ARFGEF3: variants seen among roughly 807,000 people sequenced by gnomAD.
ARFGEF3 encodes brefeldin A-inhibited guanine nucleotide-exchange protein 3.
A neutral mutation model predicts 221.7 loss-of-function variants in ARFGEF3; 96 were observed. The observed-to-expected ratio is 0.43, with a 90% CI of 0.37 to 0.51. The LOEUF (loss-of-function observed/expected upper bound fraction) is 0.51. Ranked by LOEUF, ARFGEF3 falls within the 20% of genes least tolerant of loss-of-function variation. ARFGEF3 has a pLI of 0.00. For synonymous variants in ARFGEF3, 1,145 were observed against 1,126.8 expected, an observed-to-expected ratio of 1.02 and a Z score of -0.32; for missense variants, 2,410 against 2,789.9, an observed-to-expected ratio of 0.86 and a Z score of 3.07.
At chr6:138,297,386 T>C (rs1779542567) in intron 21 of ARFGEF3, among the ~76,000 whole-genome samples, 1 of 152,220 alleles carries the variant, frequency 6.6e-6, no homozygotes, top group African/African-American at 2.4e-5. Context: ...CCCTATGTCT[T>C]GGTTTTCCCA....
At chr6:138,325,539 G>A (rs1780111716) in intron 31 of ARFGEF3, among the ~76,000 whole-genome samples, 2 of 152,226 alleles carry the variant, frequency 1.3e-5, no homozygotes, top group African/African-American at 2.4e-5. Flanking sequence ...TTGTAAGGCC[G>A]CAATGAAGAG....
rs1209545283 is a variant in ARFGEF3, at chr6:138,295,524, G to T, written c.3503-1286G>T. 3.3e-5 allele frequency among the ~76,000 whole-genome samples: 5 copies of T among 151,946 alleles called. No homozygotes were observed. In the East Asian group the frequency reaches 9.7e-4, roughly 29 times the overall value. On this transcript the variant is annotated intron_variant, in intron 20 of 33. Transcript: ENST00000251691. ...ATGTGCCTGTAGCCCCAGCTACTCG[G>T]GAGGCTGAGACAGGAGAATTGCTTG...
intron 12 of ARFGEF3, among the ~76,000 whole-genome samples, chr6:138,276,652 C>T (rs1001127716): frequency 1.4e-4 from 21 of 151,790 alleles, no homozygotes; most frequent in African/African-American, 2.7e-4. Flanking sequence ...CACAATTTAA[C>T]GTGCTTTTTG....
chr6:138,261,429 G>T, intron 10 of ARFGEF3, 98 bp from the exon 11 acceptor site: 1 of 662,590 alleles, frequency 1.5e-6, no homozygotes, highest in Non-Finnish European at 2.6e-6. Context: ...ATATCACTCA[G>T]TAGGGAAAGT....
chr6:138,281,458 A>G (rs745431265), intron 14 of ARFGEF3, among the ~76,000 whole-genome samples: 44 of 152,292 alleles, frequency 2.9e-4, no homozygotes, highest in South Asian at 2.7e-3. Flanking sequence ...TCAACCCTTT[A>G]CCTTCCCTCC....
intron 2 of ARFGEF3, among the ~76,000 whole-genome samples, chr6:138,184,067 CA>C (rs1384051542): frequency 6.6e-6 from 1 of 152,154 alleles, no homozygotes; most frequent in East Asian, 1.9e-4. Flanking sequence ...TCTTTGGTCT[CA>C]AGACCCTGTA....
chr6:138,296,745 C>A, intron 20 of ARFGEF3, 65 bp from the exon 21 acceptor site: 2 of 1,566,786 alleles, frequency 1.3e-6, no homozygotes. Flanking sequence ...TCTCTCTTTG[C>A]TTGAATAGGT....
chr6:138,308,397 G>A (rs1327325459), intron 23 of ARFGEF3, among the ~76,000 whole-genome samples: 1 of 152,132 alleles, frequency 6.6e-6, no homozygotes, highest in Non-Finnish European at 1.5e-5. Context: ...GCCACCAAAG[G>A]TCTATCTAAA....
chr6:138,259,663 T>G (rs1778750335), intron 10 of ARFGEF3, among the ~76,000 whole-genome samples: 1 of 152,178 alleles, frequency 6.6e-6, no homozygotes. Context: ...TTAAAATAGA[T>G]TATCTTGGGA....
chr6:138,242,091 C>T (rs151270436), intron 6 of ARFGEF3, among the ~76,000 whole-genome samples: 1 of 152,310 alleles, frequency 6.6e-6, no homozygotes, highest in African/African-American at 2.4e-5. Flanking sequence ...AGCAGCTGAG[C>T]TTGCAAATTA....
At chr6:138,289,631 C>G (rs1433789622) in intron 17 of ARFGEF3, among the ~76,000 whole-genome samples, 187 bp from the exon 18 acceptor site, 2 of 152,208 alleles carry the variant, frequency 1.3e-5, no homozygotes, top group African/African-American at 4.8e-5. Flanking sequence ...GCTGGGGCCA[C>G]CAGCACGTGG....
At chr6:138,241,065 A>G (rs565530249) in intron 6 of ARFGEF3, among the ~76,000 whole-genome samples, 1 of 152,348 alleles carries the variant, frequency 6.6e-6, no homozygotes, top group East Asian at 1.9e-4. Context: ...GTTATGCATT[A>G]GCCAGACCAC....
rs971386043 is a variant in ARFGEF3, at chr6:138,190,433, G to A, written c.138-16609G>A. Among the ~76,000 whole-genome samples, 39 of 152,200 alleles carry A rather than the reference G, an allele frequency of 2.6e-4. 1 individual carries two copies. Among genetic ancestry groups the A allele is most frequent in the African/African-American group, 8.7e-4 (36 of 41,540 alleles). On this transcript the variant is annotated intron_variant, in intron 2 of 33. Coordinates refer to ENST00000251691, the MANE Select transcript of ARFGEF3 (RefSeq NM_020340.5). ...GCCGAGCATGTGTTTGATGAGCAGC[G>A]TGTGATTCTGAGCCTTAAATGGTAC...
At chr6:138,268,040 A>G (rs565757294) in intron 12 of ARFGEF3, among the ~76,000 whole-genome samples, 1 of 152,262 alleles carries the variant, frequency 6.6e-6, no homozygotes, top group South Asian at 2.1e-4. Context: ...ACTCTCTTCC[A>G]TCACTGCTGT....
chr6:138,312,588 C>G (rs917835119), intron 25 of ARFGEF3, among the ~76,000 whole-genome samples: 1 of 152,162 alleles, frequency 6.6e-6, no homozygotes, highest in African/African-American at 2.4e-5. Context: ...TCTCTGCTTC[C>G]TCTGCTGGGA....
chr6:138,311,347 T>G, intron 24 of ARFGEF3, 60 bp from the exon 25 acceptor site: 1 of 1,050,864 alleles, frequency 9.5e-7, no homozygotes, highest in Non-Finnish European at 1.4e-6. Flanking sequence ...ACAGGTCTCC[T>G]GTTACAGGGG....
At chr6:138,178,364 A>G (rs1776997397) in intron 2 of ARFGEF3, among the ~76,000 whole-genome samples, 1 of 152,198 alleles carries the variant, frequency 6.6e-6, no homozygotes, top group African/African-American at 2.4e-5. Flanking sequence ...TTAGGGGAAC[A>G]TGTTCTGGGC....
At chr6:138,302,924 G>A (rs1779651705) in intron 22 of ARFGEF3, among the ~76,000 whole-genome samples, 1 of 152,116 alleles carries the variant, frequency 6.6e-6, no homozygotes, top group African/African-American at 2.4e-5. Flanking sequence ...ACACAGACTG[G>A]TAAATCTATT....
chr6:138,220,465 A>T (rs1043257276), intron 4 of ARFGEF3, among the ~76,000 whole-genome samples: 1 of 152,160 alleles, frequency 6.6e-6, no homozygotes, highest in African/African-American at 2.4e-5. Flanking sequence ...CCAATACAGA[A>T]TACTTCCTGT....
Sources: gnomAD v4.1 joint callset for allele counts (sites outside exome capture counted in the v4.1 genomes callset) on GRCh38, gnomAD v4.1.1 for gene constraint, MANE v1.5 for transcripts, NCBI Gene and HGNC (gene_info 2026-07-23, HGNC 2026-07-21) for gene names.